HPSE2: variants seen among roughly 807,000 people sequenced by gnomAD.
The protein encoded by HPSE2 is heparanase 2 (inactive), also known as inactive heparanase-2.
In HPSE2, 38 loss-of-function variants were observed where a neutral mutation model predicts 60.5. The observed-to-expected ratio is 0.63, with a 90% CI of 0.48 to 0.82. The LOEUF (loss-of-function observed/expected upper bound fraction) is 0.82. HPSE2 is among the 40% of genes least tolerant of loss of function. HPSE2 has a pLI of 0.00. For synonymous variants in HPSE2, 295 were observed against 293.2 expected (o/e 1.01, Z -0.06); for missense variants, 713 against 740.4 (o/e 0.96, Z 0.43).
At chr10:98,743,783 G>A (rs1949559196) in intron 4 of HPSE2, 100 bp downstream of exon 4, 6 of 1,104,384 alleles carry the variant, frequency 5.4e-6, no homozygotes, top group Non-Finnish European at 8.3e-6. Flanking sequence ...ACGTTTTCTG[G>A]GCCAGGGTAC....
chr10:98,987,185 A>T (rs1956384175), intron 3 of HPSE2, among the ~76,000 whole-genome samples: 1 of 152,048 alleles, frequency 6.6e-6, no homozygotes, highest in South Asian at 2.1e-4. Flanking sequence ...GCAGAGAGAC[A>T]ACAAAAAAAA....
upstream of HPSE2, chr10:99,235,979 C>T (rs1312227610): frequency 4.1e-6 from 2 of 481,944 alleles, no homozygotes; most frequent in Admixed American, 3.7e-5. Flanking sequence ...CGCTCGCTCG[C>T]TCGCTCGTTT....
At chr10:99,231,729 A>T (rs1186802434) in intron 2 of HPSE2, among the ~76,000 whole-genome samples, 2 of 152,290 alleles carry the variant, frequency 1.3e-5, no homozygotes, top group East Asian at 3.9e-4. Context: ...GAGATTAGGC[A>T]ATCTGAAGAA....
At chr10:98,913,000 A>T (rs1253702850) in intron 3 of HPSE2, among the ~76,000 whole-genome samples, 1 of 152,210 alleles carries the variant, frequency 6.6e-6, no homozygotes, top group African/African-American at 2.4e-5. Flanking sequence ...CCATTATGTG[A>T]TTATTACGCA....
At chr10:99,264,921 A>G in the HPSE2 span, among the ~76,000 whole-genome samples, 1 of 151,834 alleles carries the variant, frequency 6.6e-6, no homozygotes, top group Admixed American at 6.6e-5. Flanking sequence ...TTATCTCTCC[A>G]TACCACCCCC....
Position 99,235,621 on chromosome 10 carries a change from A to G in HPSE2, c.182T>C (p.Ile61Thr), listed in dbSNP as rs774328679. The change falls in exon 1 of 12, where the codon ATT becomes ACT. Residue 61 changes from isoleucine (I) to threonine (T), a missense_variant. Physicochemically the swap from Ile to Thr is moderately conservative, Grantham distance 89 (BLOSUM62 -1). Transcript: ENST00000370552. ...GTTCTTGGTGCTCACATCAAGTAGA[A>G]TCAGGGTCTTTTCCTTCAAACCTGC... ...RAAGLKEKTL[I>T]LLDVSTKNPV... The G allele has an allele frequency of 2.5e-6, 4 of 1,614,060 alleles. No individual in the cohort carries two copies. The highest frequency in any genetic ancestry group is 3.4e-6 in the Non-Finnish European group (4 of 1,180,006).
intron 8 of HPSE2, among the ~76,000 whole-genome samples, chr10:98,618,865 C>T (rs890640247): frequency 3.3e-5 from 5 of 152,308 alleles, no homozygotes; most frequent in Non-Finnish European, 1.5e-5. Context: ...GCGTGAGCCA[C>T]GGTGCCTGGC....
chr10:98,703,593 C>G (rs1451347374), intron 5 of HPSE2, among the ~76,000 whole-genome samples: 1 of 152,254 alleles, frequency 6.6e-6, no homozygotes, highest in East Asian at 1.9e-4. Context: ...GGCTTCATCC[C>G]TGGGATGCAG....
intron 3 of HPSE2, among the ~76,000 whole-genome samples, chr10:98,755,000 G>A (rs1589769613): frequency 9.3e-6 from 1 of 107,628 alleles, no homozygotes; most frequent in South Asian, 5.2e-4. Flanking sequence ...ATAACAAGAT[G>A]ACAGGATCAA....
At chr10:98,487,911 G>A (rs989318610) in intron 10 of HPSE2, among the ~76,000 whole-genome samples, 1 of 152,214 alleles carries the variant, frequency 6.6e-6, no homozygotes. Context: ...TGTTGACATG[G>A]AGGAGCCCTG....
chr10:98,669,114 G>A (rs1354175301), intron 6 of HPSE2, among the ~76,000 whole-genome samples: 1 of 138,604 alleles, frequency 7.2e-6, no homozygotes, highest in Non-Finnish European at 1.6e-5. Context: ...TGTACAAGTG[G>A]CTCACAAACA....
intron 3 of HPSE2, among the ~76,000 whole-genome samples, chr10:98,809,295 C>A (rs1449795612): frequency 6.6e-6 from 1 of 151,996 alleles, no homozygotes; most frequent in East Asian, 1.9e-4. Flanking sequence ...GTGATGGGTT[C>A]ATTATATAAT....
chr10:99,040,964 A>G (rs2496700), intron 3 of HPSE2, among the ~76,000 whole-genome samples: 114,970 of 151,552 alleles, frequency 0.76, 46,338 homozygotes, highest in South Asian at 0.92. Flanking sequence ...GCGGGTGCCT[A>G]TAGTCCCAGC....
intron 10 of HPSE2, among the ~76,000 whole-genome samples, chr10:98,484,279 C>A (rs1159398452): frequency 6.6e-6 from 1 of 151,822 alleles, no homozygotes; most frequent in Non-Finnish European, 1.5e-5. Context: ...TCTCTGTCGC[C>A]CAGGCTGGAG....
At chr10:99,054,859 C>T (rs532686646) in intron 3 of HPSE2, among the ~76,000 whole-genome samples, 37 of 152,168 alleles carry the variant, frequency 2.4e-4, no homozygotes, top group African/African-American at 3.4e-4. Flanking sequence ...TACAGGCACC[C>T]AGCACCATGC....
intron 9 of HPSE2, among the ~76,000 whole-genome samples, chr10:98,560,304 G>A (rs192014523): frequency 2.0e-4 from 30 of 152,212 alleles, no homozygotes; most frequent in East Asian, 1.4e-3. Context: ...CTCTCTATTC[G>A]TTTCCTGATA....
intron 3 of HPSE2, among the ~76,000 whole-genome samples, chr10:98,863,980 A>G (rs1412289193): frequency 6.6e-6 from 1 of 152,078 alleles, no homozygotes; most frequent in Non-Finnish European, 1.5e-5. Context: ...TACACGTACT[A>G]TGCAAAACAA....
At chr10:98,552,787 T>G (rs545134620) in intron 9 of HPSE2, among the ~76,000 whole-genome samples, 1 of 152,298 alleles carries the variant, frequency 6.6e-6, no homozygotes, top group Non-Finnish European at 1.5e-5. Context: ...GCATCTTAGA[T>G]TTGATGATAT....
the HPSE2 span, among the ~76,000 whole-genome samples, chr10:99,313,931 T>C: frequency 6.6e-6 from 1 of 152,062 alleles, no homozygotes. Context: ...TGTTCTATTG[T>C]AGGTAAGATG....
Sources: gnomAD v4.1 joint callset for allele counts (sites outside exome capture counted in the v4.1 genomes callset) on GRCh38, gnomAD v4.1.1 for gene constraint, MANE v1.5 for transcripts, NCBI Gene and HGNC (gene_info 2026-07-23, HGNC 2026-07-21) for gene names.